The following WWC2 variants were observed in gnomAD, a reference collection of about 807,000 sequenced individuals.
WWC2 encodes the protein WW and C2 domain containing 2.
A neutral mutation model predicts 138.5 loss-of-function variants in WWC2; 101 were observed. That is an observed-to-expected ratio of 0.73 (90% CI 0.62 to 0.86). WWC2 has a LOEUF of 0.86. Ranked by LOEUF, WWC2 falls within the 40% of genes least tolerant of loss-of-function variation. WWC2 has a pLI of 0.00. For synonymous variants in WWC2, 558 were observed against 538.4 expected, an observed-to-expected ratio of 1.04 and a Z score of -0.50; for missense variants, 1,420 against 1,419.4, an observed-to-expected ratio of 1.00 and a Z score of -0.01.
At chr4:183,222,739 C>T (rs939709113) in intron 4 of WWC2, among the ~76,000 whole-genome samples, 2 of 152,108 alleles carry the variant, frequency 1.3e-5, no homozygotes, top group African/African-American at 4.8e-5. Flanking sequence ...GGGCAGATCA[C>T]TTGAGGCCAG....
chr4:183,285,839 G>A, intron 19 of WWC2, 128 bp from the exon 20 acceptor site: 2 of 780,360 alleles, frequency 2.6e-6, no homozygotes, highest in Non-Finnish European at 4.1e-6. Context: ...TGTTTGAGGG[G>A]ATTTTCTTAA....
chr4:183,148,676 A>G (rs765155546), intron 1 of WWC2, among the ~76,000 whole-genome samples: 3 of 152,196 alleles, frequency 2.0e-5, no homozygotes, highest in Non-Finnish European at 4.4e-5. Context: ...TCATAAGATA[A>G]TGATCTGTGT....
At chr4:183,191,534 G>A (rs1490358755) in intron 1 of WWC2, among the ~76,000 whole-genome samples, 6 of 152,116 alleles carry the variant, frequency 3.9e-5, no homozygotes, top group Non-Finnish European at 8.8e-5. Context: ...TGTATAGTGA[G>A]TAAGTGGCAG....
At chr4:183,168,145 C>T (rs756976518) in intron 1 of WWC2, among the ~76,000 whole-genome samples, 68 of 148,862 alleles carry the variant, frequency 4.6e-4, no homozygotes, top group Admixed American at 1.0e-3. Flanking sequence ...TGAGCCACCA[C>T]GCCCGGCTGA....
At chr4:183,221,254 T>TA (rs771217463) in intron 4 of WWC2, among the ~76,000 whole-genome samples, 1 of 152,206 alleles carries the variant, frequency 6.6e-6, no homozygotes, top group Non-Finnish European at 1.5e-5. Flanking sequence ...ATAAGAATCT[T>TA]AAAGATGTAT....
chr4:183,292,575 G>T (rs1223372625), intron 21 of WWC2, among the ~76,000 whole-genome samples: 1 of 147,890 alleles, frequency 6.8e-6, no homozygotes, highest in East Asian at 2.0e-4. Flanking sequence ...TGTTTGGAAA[G>T]AATAAAAAGG....
chr4:183,221,131 A>G (rs899902582), intron 4 of WWC2, among the ~76,000 whole-genome samples: 7 of 152,360 alleles, frequency 4.6e-5, no homozygotes, highest in Middle Eastern at 6.8e-3. Flanking sequence ...TCATGAAAAT[A>G]CAAATCCGAA....
At chr4:183,278,902 T>TA (rs1375926162) in intron 16 of WWC2, among the ~76,000 whole-genome samples, 20 of 151,388 alleles carry the variant, frequency 1.3e-4, no homozygotes, top group African/African-American at 4.9e-4. Context: ...GTTTTCTAGA[T>TA]ATACAATCAT....
chr4:183,201,730 G>C (rs1292430967), intron 2 of WWC2, among the ~76,000 whole-genome samples: 1 of 152,238 alleles, frequency 6.6e-6, no homozygotes. Context: ...TTAAGATTGA[G>C]ATTACCAGGC....
intron 1 of WWC2, among the ~76,000 whole-genome samples, chr4:183,120,106 G>A (rs1217691091): frequency 1.3e-5 from 2 of 152,124 alleles, no homozygotes; most frequent in African/African-American, 2.4e-5. Flanking sequence ...AGGATGTTTT[G>A]CTACTTTATG....
intron 1 of WWC2, among the ~76,000 whole-genome samples, chr4:183,188,643 CTTTTTTTTTTT>C (rs11341026): frequency 3.8e-5 from 3 of 79,754 alleles, no homozygotes; most frequent in Admixed American, 1.4e-4. Context: ...TTGCTCCTTT[CTTTTTTTTTTT>C]TTTTTTTTGA....
intron 14 of WWC2, among the ~76,000 whole-genome samples, chr4:183,266,326 A>G (rs1157292590): frequency 6.6e-6 from 1 of 152,234 alleles, no homozygotes; most frequent in African/African-American, 2.4e-5. Context: ...TAGTGATTAA[A>G]TTTTATGTAT....
intron 5 of WWC2, among the ~76,000 whole-genome samples, chr4:183,243,122 C>T (rs1669491211): frequency 6.6e-6 from 1 of 152,176 alleles, no homozygotes; most frequent in South Asian, 2.1e-4. Flanking sequence ...AGTCTTGAAC[C>T]AGTCCTGCTT....
chr4:183,139,654 T>A (rs557918709), intron 1 of WWC2, among the ~76,000 whole-genome samples: 2 of 152,356 alleles, frequency 1.3e-5, no homozygotes, highest in Admixed American at 1.3e-4. Context: ...TTTGAGATCT[T>A]AAACTTGTTT....
At chr4:183,259,015 A>G (rs1737238498) in intron 9 of WWC2, among the ~76,000 whole-genome samples, 1 of 152,188 alleles carries the variant, frequency 6.6e-6, no homozygotes, top group Admixed American at 6.5e-5. Flanking sequence ...AAATTTTATG[A>G]TAGTCCGACG....
At chr4:183,281,817 A>G (rs1481744177) in intron 17 of WWC2, among the ~76,000 whole-genome samples, 1 of 152,228 alleles carries the variant, frequency 6.6e-6, no homozygotes, top group South Asian at 2.1e-4. Context: ...AGTGATTATA[A>G]GGTTCATTAT....
chr4:183,246,115 C>A (rs1736773437), intron 6 of WWC2, among the ~76,000 whole-genome samples: 1 of 152,194 alleles, frequency 6.6e-6, no homozygotes, highest in Admixed American at 6.5e-5. Flanking sequence ...AACCTGTTCA[C>A]TTCTCAGCCT....
intron 1 of WWC2, among the ~76,000 whole-genome samples, chr4:183,154,093 A>T (rs1483234364): frequency 6.6e-6 from 1 of 151,840 alleles, no homozygotes; most frequent in East Asian, 1.9e-4. Flanking sequence ...CTGCAATTCA[A>T]ATATTAAATT....
chr4:183,126,032 C>A (rs1732746105), intron 1 of WWC2, among the ~76,000 whole-genome samples: 1 of 152,208 alleles, frequency 6.6e-6, no homozygotes, highest in Non-Finnish European at 1.5e-5. Context: ...CATGGCATAA[C>A]CCTTAGAACA....
Sources: gnomAD v4.1 joint callset for allele counts (sites outside exome capture counted in the v4.1 genomes callset) on GRCh38, gnomAD v4.1.1 for gene constraint, MANE v1.5 for transcripts, NCBI Gene and HGNC (gene_info 2026-07-23, HGNC 2026-07-21) for gene names.